IQCM: variants seen among roughly 807,000 people sequenced by gnomAD.
The protein encoded by IQCM is IQ domain-containing protein M.
IQCM carries 45 observed loss-of-function variants against 57.6 expected under a neutral mutation model. The observed-to-expected ratio is 0.78, with a 90% CI of 0.62 to 1.00. The LOEUF is 1.00. Ranked by LOEUF, IQCM falls within the 50% of genes least tolerant of loss-of-function variation. The pLI, the probability that IQCM is intolerant of heterozygous loss-of-function variation, is 0.00. For synonymous variants in IQCM, 148 were observed against 158.9 expected (o/e 0.93, Z 0.51); for missense variants, 468 against 511.6 (o/e 0.91, Z 0.82).
At position 149,359,041 on chromosome 4, in the gene IQCM, CCCTGTT is replaced by C. The variant is rs1729283798; in HGVS notation, c.1391-6981_1391-6976del. Reference sequence around the variant, plus strand: ...AAAGAAGGGGACATCAAGGAAATTTCCCTGTTTCCATAAGCTGGGTAGAGAGATCAT... The same window carrying C: ...AAAGAAGGGGACATCAAGGAAATTTCTCCATAAGCTGGGTAGAGAGATCAT... On this transcript the variant is annotated intron_variant, in intron 13 of 13. Coordinates refer to ENST00000636793, the MANE Select transcript of IQCM (RefSeq NM_001363507.2). Among the ~76,000 whole-genome samples, 4 of 152,048 alleles carry C rather than the reference CCCTGTT, an allele frequency of 2.6e-5. No individual in the cohort carries two copies. The South Asian group carries it at 8.3e-4, about 32-fold the overall frequency.
intron 5 of IQCM, among the ~76,000 whole-genome samples, chr4:149,726,219 C>A (rs1428087416): frequency 6.6e-6 from 1 of 152,096 alleles, no homozygotes; most frequent in Non-Finnish European, 1.5e-5. Context: ...TTGATTATTT[C>A]ACCCTTCTCC....
At chr4:149,593,771 A>G (rs191727041) in intron 8 of IQCM, among the ~76,000 whole-genome samples, 4 of 152,058 alleles carry the variant, frequency 2.6e-5, no homozygotes, top group African/African-American at 9.7e-5. Flanking sequence ...ATTGACTTGC[A>G]TATGTTGAAC....
intron 5 of IQCM, among the ~76,000 whole-genome samples, chr4:149,716,405 C>A (rs28578379): frequency 2.6e-5 from 4 of 152,088 alleles, no homozygotes; most frequent in Non-Finnish European, 5.9e-5. Flanking sequence ...GGCCAGCCAG[C>A]AGGAACAGGC....
At chr4:149,485,482 C>G (rs72726106) in intron 12 of IQCM, among the ~76,000 whole-genome samples, 32,717 of 151,194 alleles carry the variant, frequency 0.22, 4,423 homozygotes, top group Non-Finnish European at 0.29. Flanking sequence ...TCTGCTTGAT[C>G]AATTCTGCTA....
chr4:149,566,213 A>G (rs1750618095), intron 9 of IQCM, among the ~76,000 whole-genome samples: 1 of 152,174 alleles, frequency 6.6e-6, no homozygotes, highest in African/African-American at 2.4e-5. Flanking sequence ...ATCAAGATCT[A>G]CTATGAAATC....
chr4:149,602,009 G>T (rs1231935166), intron 8 of IQCM, among the ~76,000 whole-genome samples: 1 of 142,462 alleles, frequency 7.0e-6, no homozygotes, highest in African/African-American at 2.6e-5. Context: ...AGCCAAGATT[G>T]TGCCACTGCG....
chr4:149,742,874 A>G, intron 2 of IQCM, 135 bp from the exon 3 acceptor site: 1 of 397,824 alleles, frequency 2.5e-6, no homozygotes, highest in Non-Finnish European at 4.4e-6. Flanking sequence ...ATAACCTTCA[A>G]TGCCTTCCCC....
chr4:149,554,894 T>C (rs1199784139), intron 10 of IQCM, among the ~76,000 whole-genome samples: 4 of 150,684 alleles, frequency 2.7e-5, no homozygotes, highest in African/African-American at 4.9e-5. Flanking sequence ...AGAGACGGGG[T>C]TTCACCGTGT....
chr4:149,715,283 C>T (rs567963332), intron 5 of IQCM, among the ~76,000 whole-genome samples: 1 of 152,278 alleles, frequency 6.6e-6, no homozygotes, highest in South Asian at 2.1e-4. Flanking sequence ...CATGAATTAG[C>T]GAGCACAGGG....
At chr4:149,396,754 T>C (rs1267787517) in intron 13 of IQCM, among the ~76,000 whole-genome samples, 1 of 152,036 alleles carries the variant, frequency 6.6e-6, no homozygotes, top group Non-Finnish European at 1.5e-5. Context: ...CATTCCACTC[T>C]TTGATTCTCT....
chr4:149,357,749 G>T (rs1375414562), intron 13 of IQCM, among the ~76,000 whole-genome samples: 2 of 152,192 alleles, frequency 1.3e-5, no homozygotes, highest in Non-Finnish European at 2.9e-5. Context: ...TCAGGATGAT[G>T]TTGGCCTCAT....
At chr4:149,651,307 T>C (rs920763592) in intron 7 of IQCM, among the ~76,000 whole-genome samples, 1 of 152,080 alleles carries the variant, frequency 6.6e-6, no homozygotes, top group Non-Finnish European at 1.5e-5. Context: ...AAGGTGGAAA[T>C]AGATGAGGAA....
chr4:149,741,597 G>A (rs894747481), intron 3 of IQCM, among the ~76,000 whole-genome samples: 2 of 152,152 alleles, frequency 1.3e-5, no homozygotes, highest in Admixed American at 1.3e-4. Context: ...GCAGCCCTGG[G>A]CAGATGCTTG....
chr4:149,727,630 C>G (rs1766067493), intron 5 of IQCM, among the ~76,000 whole-genome samples: 3 of 152,208 alleles, frequency 2.0e-5, no homozygotes, highest in African/African-American at 4.8e-5. Flanking sequence ...TATTGAGACC[C>G]TTCTGCCCAG....
chr4:149,579,086 TTC>T (rs1751929502), intron 9 of IQCM, among the ~76,000 whole-genome samples: 2 of 151,828 alleles, frequency 1.3e-5, no homozygotes, highest in Admixed American at 6.6e-5. Context: ...CTTATGTGTG[TTC>T]TGTCTCTCTA....
chr4:149,682,815 G>A (rs1338073649), intron 6 of IQCM, among the ~76,000 whole-genome samples: 1 of 151,012 alleles, frequency 6.6e-6, no homozygotes, highest in Non-Finnish European at 1.5e-5. Context: ...TTGTATAAAT[G>A]AAGAAACTAA....
At chr4:149,639,473 A>T (rs1314997638) in intron 7 of IQCM, among the ~76,000 whole-genome samples, 1 of 151,792 alleles carries the variant, frequency 6.6e-6, no homozygotes, top group African/African-American at 2.4e-5. Flanking sequence ...GGAGAAGAAG[A>T]AGACAAGTTA....
At chr4:149,521,081 T>C (rs1416717630) in intron 12 of IQCM, among the ~76,000 whole-genome samples, 1 of 152,182 alleles carries the variant, frequency 6.6e-6, no homozygotes, top group Non-Finnish European at 1.5e-5. Flanking sequence ...AATCTGTTCT[T>C]ACCCAAAGTG....
chr4:149,759,025 T>C (rs1769255091), intron 2 of IQCM, among the ~76,000 whole-genome samples: 3 of 152,132 alleles, frequency 2.0e-5, no homozygotes, highest in Non-Finnish European at 4.4e-5. Context: ...TTATTCATAA[T>C]TGCTAAAACA....
Sources: allele counts gnomAD v4.1 joint callset (sites outside exome capture counted in the v4.1 genomes callset), GRCh38; gene constraint gnomAD v4.1.1; transcripts MANE v1.5; gene names NCBI Gene and HGNC (gene_info 2026-07-23, HGNC 2026-07-21).